The following ACBD3 variants were observed in gnomAD, a reference collection of about 807,000 sequenced individuals.
ACBD3 encodes the protein Golgi resident protein GCP60.
ACBD3 carries 30 observed loss-of-function variants against 66.9 expected under a neutral mutation model. The observed-to-expected ratio is 0.45, with a 90% CI of 0.34 to 0.61. The LOEUF is 0.61. ACBD3 is among the 20% of genes least tolerant of loss of function. ACBD3 has a pLI of 0.02. For synonymous variants in ACBD3, 278 were observed against 259.8 expected, an observed-to-expected ratio of 1.07 and a Z score of -0.68; for missense variants, 544 against 664.5, an observed-to-expected ratio of 0.82 and a Z score of 1.99.
At chr1:226,175,091 C>CAAAAAAAAAAAAAAA (rs35201518) in intron 1 of ACBD3, among the ~76,000 whole-genome samples, 6 of 75,994 alleles carry the variant, frequency 7.9e-5, no homozygotes, top group Non-Finnish European at 1.3e-4. Context: ...GACTCCATCT[C>CAAAAAAAAAAAAAAA]AAAAAAAAAA....
rs1465524619 is a variant in ACBD3 at position 226,152,459 on chromosome 1, A to G, written c.1251T>C (p.Phe417=). The G allele has an allele frequency of 6.8e-6, 11 of 1,614,056 alleles. No homozygotes were observed. The highest frequency in any genetic ancestry group is 9.3e-6 in the Non-Finnish European group (11 of 1,180,028). Residue 417 remains phenylalanine (F), a synonymous_variant, in exon 7 of 8, where the codon TTT becomes TTC. Transcript: ENST00000366812. ...CATAATTGTCTGTGGCAAATTCCCA[A>G]AAGAGATATGATCCTTCTTCATGGG... ...VPTHEEGSYL[F]WEFATDNYDI...
In ACBD3 at chr1:226,144,705, AAT is replaced by A. The variant is rs1659414484; in HGVS notation, c.*1903_*1904del. 6.6e-6 allele frequency: 1 copy of A among 152,568 alleles called. No homozygotes were observed. Among genetic ancestry groups the A allele is most frequent in the Non-Finnish European group, 1.5e-5 (1 of 68,048 alleles). 9.5% of individuals were successfully genotyped at this position (152,568 alleles called of 1,614,324 possible). ...TACAGATAAACATTTTAATTGATTA[AAT>A]ATATTACTTTCAAGATCTTTTTGAA... On this transcript the variant is annotated 3_prime_UTR_variant, in exon 8 of 8. Transcript: ENST00000366812.
At chr1:226,182,125 G>A (rs1313783579) in intron 1 of ACBD3, among the ~76,000 whole-genome samples, 3 of 152,036 alleles carry the variant, frequency 2.0e-5, no homozygotes, top group Non-Finnish European at 4.4e-5. Flanking sequence ...CAGTCACACA[G>A]GAGGATGAGG....
intron 7 of ACBD3, among the ~76,000 whole-genome samples, chr1:226,148,797 G>T (rs1370674643): frequency 1.3e-5 from 2 of 152,150 alleles, no homozygotes; most frequent in African/African-American, 2.4e-5. Flanking sequence ...TACAAGACAC[G>T]GTAGGACAGT....
chr1:226,186,645 C>A lies in ACBD3; in HGVS notation c.31G>T (p.Glu11Ter). 1 of 1,515,556 alleles carries A rather than the reference C, an allele frequency of 6.6e-7. No individual in the cohort carries two copies. Among genetic ancestry groups the A allele is most frequent in the Admixed American group, 2.0e-5 (1 of 50,132 alleles). The allele number at this position is 1,515,556 out of a possible 1,614,324, so 93.9% of individuals were successfully genotyped here. ...AGCGTGAGGCCGTCGACGGACACCT[C>A]GAGTCGCTCTGCGTTCAGCACCGCC... Reference protein sequence around the residue: MAAVLNAERLEVSVDGLTLSP... With the variant: MAAVLNAERL The change falls in exon 1 of 8, where the codon GAG (glutamate) becomes TAG (stop). Residue 11 changes from glutamate to a stop codon, truncating the protein, a stop_gained. Coordinates refer to ENST00000366812, the MANE Select transcript of ACBD3 (RefSeq NM_022735.4). LOFTEE classifies it high-confidence loss of function.
At chr1:226,147,787 G>GA (rs764241702) in intron 7 of ACBD3, among the ~76,000 whole-genome samples, 19 of 151,998 alleles carry the variant, frequency 1.3e-4, no homozygotes, top group Middle Eastern at 6.8e-3. Flanking sequence ...ATGAGGTTAG[G>GA]AAAAAAAATG....
intron 1 of ACBD3, among the ~76,000 whole-genome samples, chr1:226,175,780 AT>A (rs1656017945): frequency 6.6e-6 from 1 of 152,194 alleles, no homozygotes; most frequent in South Asian, 2.1e-4. Context: ...CAGGATGACT[AT>A]TTTTCATTAT....
chr1:226,153,474 G>A (rs1659615469), intron 6 of ACBD3, among the ~76,000 whole-genome samples: 1 of 152,126 alleles, frequency 6.6e-6, no homozygotes, highest in Non-Finnish European at 1.5e-5. Flanking sequence ...AGATATCTCA[G>A]GTCAATTGTC....
chr1:226,172,386 C>G (rs140119887), intron 1 of ACBD3, among the ~76,000 whole-genome samples: 1 of 152,160 alleles, frequency 6.6e-6, no homozygotes, highest in Non-Finnish European at 1.5e-5. Context: ...TTCCCATTTA[C>G]TCTTTTATGC....
At position 226,178,574 on chromosome 1, in the gene ACBD3, C is replaced by CAAAAAAAAAAAAAAAAA. The variant is rs57231361; in HGVS notation, c.286+7799_286+7815dup. Among the ~76,000 whole-genome samples the CAAAAAAAAAAAAAAAAA allele has an allele frequency of 1.1e-4, 9 of 83,624 alleles. 1 individual carries two copies. Among genetic ancestry groups the CAAAAAAAAAAAAAAAAA allele is most frequent in the African/African-American group, 1.9e-4 (4 of 21,250 alleles). The allele number at this position is 83,624 out of a possible 152,430, so 54.9% of individuals were successfully genotyped here. A position where few individuals can be genotyped will look rare whatever the true frequency, so the allele number is the denominator to read the frequency against. On this transcript the variant is annotated intron_variant, in intron 1 of 7. Transcript: ENST00000366812. ...TGGGCGACAGAGCAAGACTCCGTCT[C>CAAAAAAAAAAAAAAAAA]AAAAAAAAAAAAAAAAAAAGACTAT...
intron 1 of ACBD3, among the ~76,000 whole-genome samples, chr1:226,167,545 G>GT (rs757857496): frequency 2.0e-5 from 3 of 152,180 alleles, no homozygotes; most frequent in African/African-American, 4.8e-5. Flanking sequence ...TTTAAAAGCC[G>GT]TATGAAATTG....
chr1:226,176,413 G>C (rs1656035503), intron 1 of ACBD3, among the ~76,000 whole-genome samples: 1 of 134,644 alleles, frequency 7.4e-6, no homozygotes, highest in Admixed American at 8.5e-5. Flanking sequence ...CTGGGCTACA[G>C]AGCGAGACTC....
At chr1:226,173,180 G>T (rs1370885999) in intron 1 of ACBD3, among the ~76,000 whole-genome samples, 1 of 151,970 alleles carries the variant, frequency 6.6e-6, no homozygotes, top group East Asian at 1.9e-4. Context: ...GCCAAGATGA[G>T]AGGATCCCTT....
At chr1:226,149,128 G>A (rs1423382254) in intron 7 of ACBD3, among the ~76,000 whole-genome samples, 2 of 152,096 alleles carry the variant, frequency 1.3e-5, no homozygotes, top group African/African-American at 4.8e-5. Context: ...TTCAGACTAG[G>A]CAGTAACCAC....
At chr1:226,165,352 G>A (rs948821971) in intron 2 of ACBD3, among the ~76,000 whole-genome samples, 7 of 151,962 alleles carry the variant, frequency 4.6e-5, no homozygotes, top group African/African-American at 1.7e-4. Context: ...TTAATTTTTA[G>A]TAGAGATGGG....
intron 5 of ACBD3, among the ~76,000 whole-genome samples, chr1:226,155,357 CA>C (rs932315398): frequency 5.4e-5 from 8 of 149,446 alleles, no homozygotes; most frequent in Admixed American, 2.0e-4. Context: ...GCGGAGGTTG[CA>C]GTGACCTGAG....
In ACBD3 at chr1:226,161,592, G is replaced by A. The variant is rs1659775935; in HGVS notation, c.667C>T (p.Arg223Ter). ...KRRREEEERL[R>*]REEEERRRIE... ...CGTCTCCTTTCCTCTTCCTCCCGTC[G>A]AAGCCTTTCCTCTTCTTCTCTCCTA... Residue 223 changes from arginine (R) to a stop codon, truncating the protein, a stop_gained, in exon 4 of 8, where the codon CGA (arginine) becomes TGA (stop). Coordinates refer to ENST00000366812, the MANE Select transcript of ACBD3 (RefSeq NM_022735.4). LOFTEE classifies it high-confidence loss of function. The A allele has an allele frequency of 1.2e-6, 2 of 1,613,522 alleles. No individual in the cohort carries two copies. Among genetic ancestry groups the A allele is most frequent in the Non-Finnish European group, 1.7e-6 (2 of 1,179,922 alleles).
intron 3 of ACBD3, among the ~76,000 whole-genome samples, chr1:226,163,161 T>TCTG (rs1659802655): frequency 6.6e-6 from 1 of 152,040 alleles, no homozygotes; most frequent in Non-Finnish European, 1.5e-5. Context: ...AGCAAGAAGG[T>TCTG]TCACAAGCCA....
intron 1 of ACBD3, 72 bp downstream of exon 1, chr1:226,186,318 C>T (rs1306147601): frequency 6.9e-7 from 1 of 1,444,430 alleles, no homozygotes; most frequent in Non-Finnish European, 9.1e-7. Context: ...TCCAGTCACC[C>T]TGGGGACCAC....
Sources: gnomAD v4.1 joint callset for allele counts (sites outside exome capture counted in the v4.1 genomes callset) on GRCh38, gnomAD v4.1.1 for gene constraint, MANE v1.5 for transcripts, NCBI Gene and HGNC (gene_info 2026-07-23, HGNC 2026-07-21) for gene names.